CLIP4: variants seen among roughly 807,000 people sequenced by gnomAD.
The protein encoded by CLIP4 is CAP-Gly domain-containing linker protein 4.
A neutral mutation model predicts 73.1 loss-of-function variants in CLIP4; 47 were observed. The observed-to-expected ratio is 0.64, with a 90% CI of 0.51 to 0.82. The LOEUF (loss-of-function observed/expected upper bound fraction) is 0.82. CLIP4 is among the 40% of genes least tolerant of loss of function. The pLI is 0.00. For synonymous variants in CLIP4, 306 were observed against 295.4 expected (o/e 1.04, Z -0.37); for missense variants, 874 against 852.9 (o/e 1.02, Z -0.31).
intron 13 of CLIP4, among the ~76,000 whole-genome samples, chr2:29,165,247 G>A (rs1483460569): frequency 7.6e-6 from 1 of 131,128 alleles, no homozygotes; most frequent in East Asian, 2.7e-4. Flanking sequence ...TAGATGGTTT[G>A]TTCTTTCTTT....
In CLIP4 at chr2:29,138,931, A is replaced by G. The variant is rs564854576; in HGVS notation, c.648+3265A>G. 4.6e-5 allele frequency among the ~76,000 whole-genome samples: 7 copies of G among 152,144 alleles called. No individual in the cohort carries two copies. The South Asian group carries it at 1.2e-3, about 27-fold the overall frequency. ...ACCTTTAGAATTTTCTACATATCGA[A>G]CCATATTGTTGGTGAAGAGAGGTAA... On this transcript the variant is annotated intron_variant, in intron 6 of 15. Transcript: ENST00000320081.
chr2:29,135,019 T>C (rs1406223716), intron 5 of CLIP4, among the ~76,000 whole-genome samples: 1 of 151,806 alleles, frequency 6.6e-6, no homozygotes, highest in African/African-American at 2.4e-5. Flanking sequence ...TTTTGGACCA[T>C]ATGGTCTCTG....
intron 13 of CLIP4, among the ~76,000 whole-genome samples, chr2:29,166,772 A>ATTTGTAATT (rs1489437553): frequency 3.3e-5 from 5 of 152,194 alleles, no homozygotes; most frequent in African/African-American, 1.2e-4. Context: ...TGTAAAAATG[A>ATTTGTAATT]TGCCTATGAA....
At chr2:29,130,588 G>C in intron 2 of CLIP4, 2 of 1,110,312 alleles carry the variant, frequency 1.8e-6, no homozygotes, top group Non-Finnish European at 2.2e-6. Context: ...AGAGGCCAAG[G>C]TTTGTCTTGG....
chr2:29,151,054 GAAT>G lies in CLIP4; in HGVS notation c.1022-1626_1022-1624del, dbSNP rs199985576. Among the ~76,000 whole-genome samples, 884 of 152,070 alleles carry G rather than the reference GAAT, an allele frequency of 5.8e-3. 10 individuals carry two copies. The highest frequency in any genetic ancestry group is 0.02 in the African/African-American group (832 of 41,482). Reference sequence around the variant, plus strand: ...GGCAATTATGTTTTCTCCTACTTATGAATAATATTACAGTGATGACATATTCAG... The same window carrying G: ...GGCAATTATGTTTTCTCCTACTTATGAATATTACAGTGATGACATATTCAG... On this transcript the variant is annotated intron_variant, in intron 8 of 15. Transcript: ENST00000320081.
intron 6 of CLIP4, among the ~76,000 whole-genome samples, chr2:29,139,318 C>T (rs1256380897): frequency 1.3e-5 from 2 of 151,854 alleles, no homozygotes; most frequent in African/African-American, 4.8e-5. Context: ...GACTTGCATA[C>T]GTTGAACCTC....
At chr2:29,180,025 G>A (rs1007471594) in intron 15 of CLIP4, among the ~76,000 whole-genome samples, 2 of 152,144 alleles carry the variant, frequency 1.3e-5, no homozygotes, top group Non-Finnish European at 2.9e-5. Context: ...GTGTGTGACA[G>A]TGTATTAAAA....
intron 8 of CLIP4, among the ~76,000 whole-genome samples, chr2:29,149,678 C>G (rs1243873360): frequency 6.6e-6 from 1 of 150,794 alleles, no homozygotes; most frequent in Non-Finnish European, 1.5e-5. Flanking sequence ...TGCTATGCAT[C>G]CAGTCATTGC....
At chr2:29,126,239 CA>C (rs1664593012) in intron 2 of CLIP4, among the ~76,000 whole-genome samples, 1 of 152,136 alleles carries the variant, frequency 6.6e-6, no homozygotes, top group Admixed American at 6.5e-5. Context: ...AAGCTTGCAA[CA>C]GCATAAAAAA....
chr2:29,136,199 T>C (rs1167013485), intron 6 of CLIP4, among the ~76,000 whole-genome samples: 9 of 151,952 alleles, frequency 5.9e-5, no homozygotes, highest in East Asian at 3.9e-4. Context: ...TTTTTTTTTT[T>C]CAGAAAGTGT....
At chr2:29,109,052 CATG>C in intron 1 of CLIP4, among the ~76,000 whole-genome samples, 1 of 152,298 alleles carries the variant, frequency 6.6e-6, no homozygotes, top group African/African-American at 2.4e-5. Flanking sequence ...ATTGCATCCT[CATG>C]GTGTTTTTTA....
chr2:29,152,320 A>G (rs903717319), intron 8 of CLIP4, among the ~76,000 whole-genome samples: 1 of 152,194 alleles, frequency 6.6e-6, no homozygotes, highest in African/African-American at 2.4e-5. Flanking sequence ...CATAGGTTCA[A>G]ATTTCAGATT....
chr2:29,137,895 G>A (rs1373641784), intron 6 of CLIP4, among the ~76,000 whole-genome samples: 3 of 152,014 alleles, frequency 2.0e-5, no homozygotes, highest in Non-Finnish European at 4.4e-5. Flanking sequence ...ATTCCTTATA[G>A]ATTCTGGATA....
intron 2 of CLIP4, among the ~76,000 whole-genome samples, chr2:29,124,653 T>G (rs1160299969): frequency 1.3e-5 from 2 of 152,132 alleles, no homozygotes; most frequent in African/African-American, 4.8e-5. Flanking sequence ...TTATTTTGGA[T>G]AGTTTATATT....
rs990066771 is a variant in CLIP4 at position 29,130,665 on chromosome 2, C to T, written c.134-593C>T. 3.3e-5 allele frequency: 37 copies of T among 1,128,200 alleles called. 1 individual carries two copies. In the East Asian group the frequency reaches 2.2e-3, roughly 67 times the overall value. The allele number at this position is 1,128,200 out of a possible 1,614,324, so 69.9% of individuals were successfully genotyped here. On this transcript the variant is annotated intron_variant, in intron 2 of 15. Transcript: ENST00000320081. ...TAAGCTTACGAATGTTATCACATTT[C>T]AGTTCAATCTTTCTGATTCTCTTCT...
At chr2:29,149,206 G>A (rs961981862) in intron 8 of CLIP4, among the ~76,000 whole-genome samples, 1 of 152,142 alleles carries the variant, frequency 6.6e-6, no homozygotes, top group African/African-American at 2.4e-5. Context: ...ACAGGCAGTA[G>A]CCAGGATATG....
intron 1 of CLIP4, among the ~76,000 whole-genome samples, chr2:29,117,651 A>G (rs774836706): frequency 1.4e-4 from 21 of 152,220 alleles, no homozygotes; most frequent in Non-Finnish European, 2.9e-4. Flanking sequence ...ATTAATTTAA[A>G]TAGTCACATG....
chr2:29,131,284 G>A lies in CLIP4; in HGVS notation c.160G>A (p.Ala54Thr), dbSNP rs1363926697. The change falls in exon 3 of 16, where the codon GCA (alanine) becomes ACA (threonine). Residue 54 changes from alanine to threonine, a missense_variant. Ala to Thr is a moderately conservative substitution (Grantham distance 58, BLOSUM62 0). Transcript: ENST00000320081. ...ATTTTCTTTCTTTGATCCTAATGATGCATCATGCCAGGAAATTCTTTTTGA... is the reference window on the plus strand; with the variant it reads ...ATTTTCTTTCTTTGATCCTAATGATACATCATGCCAGGAAATTCTTTTTGA... ...CEFSFFDPNDASCQEILFDPK... is the reference protein window; with the variant it reads ...CEFSFFDPNDTSCQEILFDPK... 1 of 1,605,292 alleles carries A rather than the reference G, an allele frequency of 6.2e-7. No homozygotes were observed. Among genetic ancestry groups the A allele is most frequent in the Non-Finnish European group, 8.5e-7 (1 of 1,176,642 alleles).
intron 14 of CLIP4, among the ~76,000 whole-genome samples, chr2:29,170,328 C>G (rs1667921415): frequency 6.6e-6 from 1 of 152,132 alleles, no homozygotes; most frequent in Non-Finnish European, 1.5e-5. Context: ...TGAAGAAACT[C>G]CATCCTGTTT....
Sources: allele counts gnomAD v4.1 joint callset (sites outside exome capture counted in the v4.1 genomes callset), GRCh38; gene constraint gnomAD v4.1.1; transcripts MANE v1.5; gene names NCBI Gene and HGNC (gene_info 2026-07-23, HGNC 2026-07-21).